GPM6A: variants seen among roughly 807,000 people sequenced by gnomAD.
GPM6A encodes neuronal membrane glycoprotein M6-a.
A neutral mutation model predicts 32.1 loss-of-function variants in GPM6A; 7 were observed. The ratio of observed to expected loss-of-function variants is 0.22; its 90% confidence interval spans 0.12 to 0.41. The LOEUF (loss-of-function observed/expected upper bound fraction) is 0.41, where lower values mean the gene tolerates loss of function less well. Among genes scored for constraint, GPM6A ranks in the 10% least tolerant of loss-of-function variants. The pLI, the probability that GPM6A is intolerant of heterozygous loss-of-function variation, is 1.00. For missense variants in GPM6A, 235 were observed against 347.2 expected, an observed-to-expected ratio of 0.68 and a Z score of 2.57; for synonymous variants, 130 against 123.4, an observed-to-expected ratio of 1.05 and a Z score of -0.35.
At chr4:175,818,622 A>T (rs1401994176) in intron 1 of GPM6A, among the ~76,000 whole-genome samples, 2 of 152,234 alleles carry the variant, frequency 1.3e-5, no homozygotes, top group Non-Finnish European at 2.9e-5. Context: ...GACTGAATAA[A>T]CGAATAATGA....
intron 1 of GPM6A, among the ~76,000 whole-genome samples, chr4:175,831,202 T>C (rs1350797157): frequency 6.6e-6 from 1 of 152,112 alleles, no homozygotes; most frequent in Non-Finnish European, 1.5e-5. Context: ...CTGGATAAAT[T>C]AAACTCACTG....
chr4:175,937,608 A>G (rs185456981), intron 1 of GPM6A, among the ~76,000 whole-genome samples: 5 of 152,320 alleles, frequency 3.3e-5, no homozygotes, highest in Admixed American at 1.3e-4. Context: ...ACCTTAAAGT[A>G]TCCAGCATGT....
chr4:175,800,320 TA>T (rs1276961268), intron 1 of GPM6A, among the ~76,000 whole-genome samples: 6 of 152,240 alleles, frequency 3.9e-5, no homozygotes, highest in African/African-American at 1.4e-4. Flanking sequence ...TAGATTGTTT[TA>T]CTTAATCAAT....
chr4:175,855,270 C>T (rs1461370960), intron 1 of GPM6A, among the ~76,000 whole-genome samples: 3 of 152,052 alleles, frequency 2.0e-5, no homozygotes, highest in African/African-American at 7.2e-5. Context: ...AGTTAGCAGG[C>T]AATAATATTA....
intron 1 of GPM6A, among the ~76,000 whole-genome samples, chr4:175,780,200 C>G (rs1385741029): frequency 6.6e-6 from 1 of 151,848 alleles, no homozygotes; most frequent in East Asian, 1.9e-4. Flanking sequence ...TGTGCCTGCC[C>G]CCACGCCCAG....
intron 1 of GPM6A, among the ~76,000 whole-genome samples, chr4:175,885,306 T>A (rs1737416034): frequency 6.6e-6 from 1 of 152,134 alleles, no homozygotes; most frequent in African/African-American, 2.4e-5. Flanking sequence ...TTATAAAAGG[T>A]TCAAAAACAG....
chr4:175,673,620 A>T (rs2110984176), intron 3 of GPM6A, 60 bp downstream of exon 3: 1 of 1,206,902 alleles, frequency 8.3e-7, no homozygotes, highest in East Asian at 2.4e-5. Flanking sequence ...ATGAATGCAA[A>T]CACCTGTGTG....
At chr4:175,812,337 T>TTTTTTTTTA, upstream of GPM6A, 6 of 1,346,908 alleles carry the variant, frequency 4.5e-6, no homozygotes, top group South Asian at 1.7e-5. Context: ...TTTTTTTTTT[T>TTTTTTTTTA]TTTCCTGGGA....
chr4:175,903,296 A>G (rs1251294266), intron 1 of GPM6A, among the ~76,000 whole-genome samples: 1 of 151,952 alleles, frequency 6.6e-6, no homozygotes, highest in Non-Finnish European at 1.5e-5. Context: ...AAAAAAAAAG[A>G]ATCAATGAGT....
chr4:175,730,637 A>AT (rs763257243), intron 1 of GPM6A, among the ~76,000 whole-genome samples: 25 of 150,642 alleles, frequency 1.7e-4, no homozygotes, highest in Non-Finnish European at 3.4e-4. Context: ...CGCGCGGCTA[A>AT]TTTTTTTTAT....
intron 2 of GPM6A, among the ~76,000 whole-genome samples, chr4:175,686,899 A>G (rs1181639269): frequency 6.6e-6 from 1 of 152,256 alleles, no homozygotes; most frequent in Non-Finnish European, 1.5e-5. Flanking sequence ...ACAAGTTGCT[A>G]GAGTATGCAA....
intron 1 of GPM6A, among the ~76,000 whole-genome samples, chr4:175,874,718 A>G (rs750597945): frequency 6.6e-6 from 1 of 152,202 alleles, no homozygotes; most frequent in Non-Finnish European, 1.5e-5. Context: ...TGTATGAGAT[A>G]TAGAATTTCC....
intron 1 of GPM6A, among the ~76,000 whole-genome samples, chr4:175,972,755 C>G (rs1740546502): frequency 6.6e-6 from 1 of 152,160 alleles, no homozygotes; most frequent in Admixed American, 6.5e-5. Context: ...TCGAAACACT[C>G]CTTTCCATTG....
intron 1 of GPM6A, among the ~76,000 whole-genome samples, chr4:175,771,446 C>T (rs1272278263): frequency 6.6e-6 from 1 of 151,556 alleles, no homozygotes; most frequent in Non-Finnish European, 1.5e-5. Flanking sequence ...GTGGCACTCG[C>T]CTGTGTCCCA....
Position 175,880,318 on chromosome 4 carries a change from C to A in GPM6A, c.-22-68069G>T, listed in dbSNP as rs572133020. On this transcript the variant is annotated intron_variant, in intron 1 of 7. Coordinates refer to the GPM6A transcript ENST00000280187. ...TGTAGTATAGTTTGAAGTCAGGTAG[C>A]GTGATGCCTCCAGCTTTGTTCTTTT... is the stretch of plus-strand genomic sequence containing the variant. Among the ~76,000 whole-genome samples, 9 of 152,166 alleles carry A rather than the reference C, an allele frequency of 5.9e-5. No homozygotes were observed. In the South Asian group the frequency reaches 1.9e-3, roughly 32 times the overall value.
chr4:175,919,121 T>C (rs1040015475), intron 1 of GPM6A, among the ~76,000 whole-genome samples: 93 of 152,152 alleles, frequency 6.1e-4, no homozygotes, highest in African/African-American at 2.1e-3. Context: ...TATAGCTAAT[T>C]AAAATATCTT....
chr4:175,834,293 G>A (rs1333100141), intron 1 of GPM6A, among the ~76,000 whole-genome samples: 1 of 152,126 alleles, frequency 6.6e-6, no homozygotes, highest in African/African-American at 2.4e-5. Flanking sequence ...TTCCACAAAA[G>A]GACAAAAGAC....
chr4:175,834,565 A>G (rs1735708061), intron 1 of GPM6A, among the ~76,000 whole-genome samples: 1 of 152,108 alleles, frequency 6.6e-6, no homozygotes, highest in South Asian at 2.1e-4. Context: ...CAATGTCTCC[A>G]CTATATTTCT....
intron 1 of GPM6A, among the ~76,000 whole-genome samples, chr4:175,741,116 T>G (rs913082940): frequency 3.9e-5 from 6 of 152,046 alleles, no homozygotes; most frequent in African/African-American, 1.4e-4. Context: ...CACCTCAAAT[T>G]CAGCATAATA....
Sources: allele counts gnomAD v4.1 joint callset (sites outside exome capture counted in the v4.1 genomes callset), GRCh38; gene constraint gnomAD v4.1.1; transcripts MANE v1.5; gene names NCBI Gene and HGNC (gene_info 2026-07-23, HGNC 2026-07-21).